Variants in MCMBP observed in about 807,000 individuals in gnomAD.
MCMBP encodes the protein minichromosome maintenance complex binding protein, also known as mini-chromosome maintenance complex-binding protein.
MCMBP carries 31 observed loss-of-function variants against 81.3 expected under a neutral mutation model. That is an observed-to-expected ratio of 0.38 (90% CI 0.29 to 0.51). The LOEUF is 0.51. MCMBP is among the 20% of genes least tolerant of loss of function. MCMBP has a pLI of 0.87. For synonymous variants in MCMBP, 267 were observed against 275.9 expected (o/e 0.97, Z 0.32); for missense variants, 645 against 772.1 (o/e 0.84, Z 1.95).
At chr10:119,835,505 A>G in intron 14 of MCMBP, 35 bp downstream of exon 14, 5 of 1,577,964 alleles carry the variant, frequency 3.2e-6, no homozygotes, top group Non-Finnish European at 3.5e-6. Flanking sequence ...CTGCAATTCA[A>G]CACAGGGAAA....
rs1852475954 is a variant in MCMBP, at chr10:119,842,694, C to T, written c.1001-99G>A. 1.5e-5 allele frequency: 19 copies of T among 1,309,118 alleles called. 1 individual carries two copies. The South Asian group carries it at 1.6e-4, about 11-fold the overall frequency. The allele number at this position is 1,309,118 out of a possible 1,614,324, so 81.1% of individuals were successfully genotyped here. A position where few individuals can be genotyped will look rare whatever the true frequency, so the allele number is the denominator to read the frequency against. ...CTACGTGAGCAAAGCACAATTCAGT[C>T]GACAGTAGGTAAAGCTTAACATATC... On this transcript the variant is annotated intron_variant, in intron 9 of 15. Transcript: ENST00000369077.
At position 119,837,022 on chromosome 10, in the gene MCMBP, A is replaced by G. The variant is rs776112388; in HGVS notation, c.1416T>C (p.His472=). The change falls in exon 13 of 16, where the codon CAT becomes CAC. Residue 472 remains histidine, a synonymous_variant. Transcript: ENST00000369077. ...TGAGGTTGCTCAGGGCTGTCACATT[A>G]TGAACACCTACAAAGGCAGGAAAAC... The part of the protein sequence containing the change: ...EQGQLDTPGV[H]NVTALSNLIT... 11 of 1,613,182 alleles carry G rather than the reference A, an allele frequency of 6.8e-6. No individual in the cohort carries two copies. The highest frequency in any genetic ancestry group is 1.7e-5 in the Admixed American group (1 of 59,906).
At chr10:119,866,181 C>A (rs751804617) in intron 1 of MCMBP, among the ~76,000 whole-genome samples, 3 of 151,896 alleles carry the variant, frequency 2.0e-5, no homozygotes, top group Non-Finnish European at 2.9e-5. Context: ...AGAAGCCAGA[C>A]CTCAAAGGCC....
intron 1 of MCMBP, 32 bp downstream of exon 1, chr10:119,872,495 C>T (rs1388510143): frequency 1.7e-6 from 2 of 1,167,680 alleles, no homozygotes; most frequent in Non-Finnish European, 2.1e-6. Flanking sequence ...CTCGGCTGCC[C>T]GCCCGGCCCG....
At position 119,829,907 on chromosome 10, in the gene MCMBP, A is replaced by G. The variant is rs983208893; in HGVS notation, c.*1567T>C. The G allele has an allele frequency of 6.6e-6, 1 of 152,508 alleles. No homozygotes were observed. The highest frequency in any genetic ancestry group is 1.5e-5 in the Non-Finnish European group (1 of 68,038). The allele number at this position is 152,508 out of a possible 1,614,324, so 9.4% of individuals were successfully genotyped here. A position where few individuals can be genotyped will look rare whatever the true frequency, so the allele number is the denominator to read the frequency against. Reference sequence around the variant, plus strand: ...AATTACAATTTACATTGGCACAAAAAACACATGGTGACTAATGTACTTTGC... The same window carrying G: ...AATTACAATTTACATTGGCACAAAAGACACATGGTGACTAATGTACTTTGC... On this transcript the variant is annotated 3_prime_UTR_variant, in exon 16 of 16. Transcript: ENST00000369077.
intron 8 of MCMBP, 151 bp from the exon 9 acceptor site, chr10:119,843,577 T>C: frequency 3.0e-6 from 2 of 676,550 alleles, no homozygotes; most frequent in Non-Finnish European, 4.9e-6. Flanking sequence ...CCTCTCATTC[T>C]AAAGTGTTAC....
At chr10:119,857,511 CCA>C in intron 4 of MCMBP, 72 bp from the exon 5 acceptor site, 1 of 952,642 alleles carries the variant, frequency 1.0e-6, no homozygotes. Context: ...AAATTAGCAA[CCA>C]CATTTTCACA....
At chr10:119,869,217 A>G (rs904556158) in intron 1 of MCMBP, among the ~76,000 whole-genome samples, 6 of 151,998 alleles carry the variant, frequency 3.9e-5, no homozygotes, top group Non-Finnish European at 8.8e-5. Context: ...AGGCCGAGGC[A>G]GGCAGATCAC....
intron 1 of MCMBP, among the ~76,000 whole-genome samples, chr10:119,871,464 C>G (rs145402285): frequency 7.9e-5 from 12 of 152,144 alleles, no homozygotes; most frequent in African/African-American, 2.9e-4. Flanking sequence ...TAGTTACAGC[C>G]TGGGAAGCCA....
At chr10:119,855,282 C>T (rs1035891599) in intron 5 of MCMBP, among the ~76,000 whole-genome samples, 2 of 152,240 alleles carry the variant, frequency 1.3e-5, no homozygotes, top group South Asian at 2.1e-4. Context: ...TGGGATGCAA[C>T]CAAAGCAGTG....
intron 1 of MCMBP, among the ~76,000 whole-genome samples, chr10:119,866,063 C>A: frequency 6.6e-6 from 1 of 150,584 alleles, no homozygotes; most frequent in African/African-American, 2.4e-5. Context: ...GCATTCCAGC[C>A]TGGACGACAG....
At chr10:119,851,816 G>A (rs757412158) in intron 6 of MCMBP, among the ~76,000 whole-genome samples, 10 of 152,038 alleles carry the variant, frequency 6.6e-5, no homozygotes, top group Non-Finnish European at 1.0e-4. Context: ...TAATATAAGG[G>A]TAAATAAAAT....
At chr10:119,849,942 CAT>C (rs1852749942) in intron 6 of MCMBP, among the ~76,000 whole-genome samples, 1 of 152,122 alleles carries the variant, frequency 6.6e-6, no homozygotes, top group African/African-American at 2.4e-5. Flanking sequence ...CTTGGTAGAA[CAT>C]ACTTTTTCTA....
chr10:119,873,254 T>C (rs1442670711), upstream of MCMBP, among the ~76,000 whole-genome samples: 1 of 152,238 alleles, frequency 6.6e-6, no homozygotes, highest in Non-Finnish European at 1.5e-5. Flanking sequence ...TTTCTTTTTT[T>C]GCTGATGGCA....
intron 5 of MCMBP, among the ~76,000 whole-genome samples, chr10:119,856,607 T>C (rs1274065896): frequency 2.6e-5 from 4 of 152,156 alleles, no homozygotes; most frequent in African/African-American, 9.7e-5. Flanking sequence ...GGGTATAAAT[T>C]ATATAGGTGT....
chr10:119,837,107 A>G, intron 12 of MCMBP, 78 bp from the exon 13 acceptor site: 1 of 1,449,116 alleles, frequency 6.9e-7, no homozygotes, highest in Non-Finnish European at 9.4e-7. Flanking sequence ...ACCGATGATG[A>G]GCCATGAAGT....
Position 119,848,702 on chromosome 10 carries a change from T to C in MCMBP, c.726+723A>G, listed in dbSNP as rs529218736. Among the ~76,000 whole-genome samples the C allele has an allele frequency of 7.2e-5, 11 of 152,302 alleles. No individual in the cohort carries two copies. The East Asian group carries it at 2.1e-3, about 29-fold the overall frequency. ...AATCCTTAACAATCATTTCTGAACC[T>C]TCTATCACTTGCTCATTTATCAGGA... is the stretch of plus-strand genomic sequence containing the variant. On this transcript the variant is annotated intron_variant, in intron 7 of 15. Transcript: ENST00000369077.
At chr10:119,858,952 A>G (rs779120862) in intron 3 of MCMBP, 27 bp from the exon 4 acceptor site, 1 of 1,610,592 alleles carries the variant, frequency 6.2e-7, no homozygotes, top group South Asian at 1.1e-5. Flanking sequence ...AGAAAAACAG[A>G]ATTATATCAA....
intron 4 of MCMBP, 38 bp downstream of exon 4, chr10:119,858,846 C>T: frequency 6.8e-7 from 1 of 1,461,224 alleles, no homozygotes; most frequent in Non-Finnish European, 9.3e-7. Context: ...GGAAAAAATT[C>T]TTACTAAAAA....
Sources: gnomAD v4.1 joint callset for allele counts (sites outside exome capture counted in the v4.1 genomes callset) on GRCh38, gnomAD v4.1.1 for gene constraint, MANE v1.5 for transcripts, NCBI Gene and HGNC (gene_info 2026-07-23, HGNC 2026-07-21) for gene names.